The following SLC35D1 variants were observed in gnomAD, a reference collection of about 807,000 sequenced individuals.
SLC35D1 encodes the protein nucleotide sugar transporter SLC35D1.
SLC35D1 carries 31 observed loss-of-function variants against 46.7 expected under a neutral mutation model. The ratio of observed to expected loss-of-function variants is 0.66; its 90% CI spans 0.50 to 0.90. The LOEUF (loss-of-function observed/expected upper bound fraction) is 0.90, where lower values mean the gene tolerates loss of function less well. Among genes scored for constraint, SLC35D1 ranks in the 40% least tolerant of loss-of-function variants. The probability of loss-of-function intolerance (pLI) is 0.00; values close to 1 mark genes in which losing one functional copy is unlikely to be tolerated. For missense variants in SLC35D1, 397 were observed against 426.2 expected (o/e 0.93, Z 0.60); for synonymous variants, 195 against 164.6 (o/e 1.18, Z -1.41).
intron 8 of SLC35D1, among the ~76,000 whole-genome samples, chr1:67,037,399 A>G (rs1466876465): frequency 1.3e-5 from 2 of 152,144 alleles, no homozygotes; most frequent in Admixed American, 6.5e-5. Flanking sequence ...TACACAATCA[A>G]TACAAAGGCT....
chr1:67,014,404 C>A (rs1667635929), intron 10 of SLC35D1, among the ~76,000 whole-genome samples: 1 of 152,054 alleles, frequency 6.6e-6, no homozygotes, highest in Non-Finnish European at 1.5e-5. Context: ...TCCAACTGTT[C>A]TTTTAAACTA....
chr1:66,980,060 G>A, the SLC35D1 span, among the ~76,000 whole-genome samples: 7 of 152,256 alleles, frequency 4.6e-5, no homozygotes, highest in South Asian at 2.1e-4. Context: ...CACCACACCC[G>A]GCCTTGCTTT....
chr1:67,052,207 A>T (rs1645316840), intron 3 of SLC35D1, 128 bp from the exon 4 acceptor site: 1 of 709,274 alleles, frequency 1.4e-6, no homozygotes, highest in African/African-American at 1.8e-5. Flanking sequence ...ATTAGTTATC[A>T]TACACAATTT....
chr1:67,007,339 C>T (rs1667472318), intron 11 of SLC35D1, among the ~76,000 whole-genome samples: 1 of 152,146 alleles, frequency 6.6e-6, no homozygotes, highest in Non-Finnish European at 1.5e-5. Context: ...GGATCTCTTA[C>T]ATAAGGGCAC....
At chr1:67,041,003 T>C (rs900244210) in intron 8 of SLC35D1, among the ~76,000 whole-genome samples, 2 of 152,126 alleles carry the variant, frequency 1.3e-5, no homozygotes, top group African/African-American at 2.4e-5. Flanking sequence ...TATTCCCCAA[T>C]AGTATGACAC....
chr1:67,042,507 C>T (rs1405836400), intron 7 of SLC35D1, among the ~76,000 whole-genome samples, 179 bp from the exon 8 acceptor site: 3 of 152,136 alleles, frequency 2.0e-5, no homozygotes, highest in South Asian at 2.1e-4. Flanking sequence ...TCTAAACTTT[C>T]AAGACCAAAT....
At chr1:66,995,450 A>C (rs1461049757), downstream of SLC35D1, among the ~76,000 whole-genome samples, 1 of 22,650 alleles carries the variant, frequency 4.4e-5, no homozygotes, top group East Asian at 4.4e-4. Context: ...AAAAAAAAAA[A>C]AAAAAAAAAA....
rs2102375722 is a variant in SLC35D1 at position 67,052,028 on chromosome 1, T to C, written c.376A>G (p.Ser126Gly). 1 of 1,609,148 alleles carries C rather than the reference T, an allele frequency of 6.2e-7. No individual in the cohort carries two copies. Among genetic ancestry groups the C allele is most frequent in the Non-Finnish European group, 8.5e-7 (1 of 1,175,548 alleles). The change falls in exon 4 of 12, where the codon AGC (serine) becomes GGC (glycine). Residue 126 changes from serine to glycine, a missense_variant. Transcript: ENST00000235345. The part of the protein sequence containing the change: ...YFGNQITGLF[S>G]TKKLNLPMFT... ...TATCCATACTTCAGTTTCTTTGTGC[T>C]GAACAGTCCCGTGATTTGGTTCCCA...
At position 67,047,294 on chromosome 1, in the gene SLC35D1, C is replaced by A; in HGVS notation, c.607G>T (p.Ala203Ser). ...GAATCTAATTTTTGTTTTACGTATG[C>A]ACCATTTGCTGCTGTTAGGACATCG... ...INDVLTAANG[A>S]YVKQKLDSKE... Residue 203 changes from alanine (A) to serine (S), a missense_variant, in exon 7 of 12, where the codon GCA (alanine) becomes TCA (serine). Transcript: ENST00000235345. The A allele has an allele frequency of 1.2e-6, 2 of 1,613,364 alleles. No individual in the cohort carries two copies. The highest frequency in any genetic ancestry group is 1.7e-6 in the Non-Finnish European group (2 of 1,179,856).
At chr1:67,049,052 T>G (rs1645280974) in intron 6 of SLC35D1, among the ~76,000 whole-genome samples, 1 of 152,142 alleles carries the variant, frequency 6.6e-6, no homozygotes. Context: ...CCCAGCACTT[T>G]GGGAGGCCAA....
chr1:67,015,037 AT>A (rs1667653190), intron 10 of SLC35D1, among the ~76,000 whole-genome samples: 1 of 150,904 alleles, frequency 6.6e-6, no homozygotes, highest in Non-Finnish European at 1.5e-5. Context: ...TACTATCATA[AT>A]TAATATATAT....
chr1:66,987,261 C>CTATT, the SLC35D1 span: 1 of 152,666 alleles, frequency 6.6e-6, no homozygotes, highest in Admixed American at 6.6e-5. Flanking sequence ...AGTCATTGCA[C>CTATT]TATTTAAAAA....
the SLC35D1 span, chr1:66,981,863 T>G: frequency 6.2e-7 from 1 of 1,614,062 alleles, no homozygotes; most frequent in Admixed American, 1.7e-5. Flanking sequence ...CATCAAACAG[T>G]AGTAACAGCC....
chr1:66,998,230 T>C (rs1570597692), downstream of SLC35D1, among the ~76,000 whole-genome samples: 1 of 152,162 alleles, frequency 6.6e-6, no homozygotes, highest in Non-Finnish European at 1.5e-5. Context: ...GGCTCATGCC[T>C]GTAATTCCAA....
chr1:67,020,256 A>C (rs1667769601), intron 10 of SLC35D1, 113 bp downstream of exon 10: 3 of 731,024 alleles, frequency 4.1e-6, no homozygotes, highest in Non-Finnish European at 7.5e-6. Context: ...AAACTAAGAC[A>C]GTATGTGAGG....
At chr1:67,008,708 T>A (rs1003967098) in intron 11 of SLC35D1, among the ~76,000 whole-genome samples, 1 of 152,120 alleles carries the variant, frequency 6.6e-6, no homozygotes, top group African/African-American at 2.4e-5. Context: ...CTAAAAATGC[T>A]TTCAATATAG....
At chr1:67,028,042 G>C (rs1175529331) in intron 8 of SLC35D1, among the ~76,000 whole-genome samples, 8 of 151,870 alleles carry the variant, frequency 5.3e-5, no homozygotes, top group Admixed American at 4.6e-4. Context: ...ACTATGTTGT[G>C]CTTTGATTTT....
At chr1:67,044,721 G>A (rs968656166) in intron 7 of SLC35D1, among the ~76,000 whole-genome samples, 13 of 151,972 alleles carry the variant, frequency 8.6e-5, no homozygotes, top group Admixed American at 7.9e-4. Context: ...TTTTAAATTC[G>A]ATAGCCACAT....
chr1:66,985,831 TTTTTTTA>T, the SLC35D1 span: 1 of 848,096 alleles, frequency 1.2e-6, no homozygotes, highest in Non-Finnish European at 1.4e-6. Flanking sequence ...TTTTTTTTTT[TTTTTTTA>T]AATTTCTACT....
Sources: allele counts gnomAD v4.1 joint callset (sites outside exome capture counted in the v4.1 genomes callset), GRCh38; gene constraint gnomAD v4.1.1; transcripts MANE v1.5; gene names NCBI Gene and HGNC (gene_info 2026-07-23, HGNC 2026-07-21).